Variants in CSMD1 observed in about 807,000 individuals in gnomAD.
The protein encoded by CSMD1 is CUB and Sushi multiple domains 1.
In CSMD1, 213 loss-of-function variants were observed where a neutral mutation model predicts 417.5. The ratio of observed to expected loss-of-function variants is 0.51; its 90% confidence interval spans 0.46 to 0.57. CSMD1 has a LOEUF of 0.57. Ranked by LOEUF, CSMD1 falls within the 20% of genes least tolerant of loss-of-function variation. The pLI is 0.00. For synonymous variants in CSMD1, 2,862 were observed against 1,736.8 expected (o/e 1.65, Z -16.11); for missense variants, 6,923 against 4,529.7 (o/e 1.53, Z -15.17).
At chr8:3,343,004 A>G (rs1807761578) in intron 23 of CSMD1, among the ~76,000 whole-genome samples, 2 of 152,136 alleles carry the variant, frequency 1.3e-5, no homozygotes, top group Admixed American at 6.6e-5. Flanking sequence ...AATGTATACT[A>G]TACCCCAATC....
intron 26 of CSMD1, among the ~76,000 whole-genome samples, chr8:3,256,333 A>G (rs1287135121): frequency 1.6e-5 from 2 of 123,402 alleles, no homozygotes; most frequent in African/African-American, 5.4e-5. Context: ...AAAGAGAAGA[A>G]AGGAAGGAAA....
chr8:3,054,675 G>A (rs1812095493), intron 49 of CSMD1, among the ~76,000 whole-genome samples: 1 of 152,138 alleles, frequency 6.6e-6, no homozygotes, highest in African/African-American at 2.4e-5. Context: ...TTACATGTGT[G>A]TACATGTGTC....
intron 5 of CSMD1, among the ~76,000 whole-genome samples, chr8:3,869,728 C>A (rs1805352723): frequency 6.6e-6 from 1 of 152,044 alleles, no homozygotes; most frequent in African/African-American, 2.4e-5. Flanking sequence ...CCTGGCAGGA[C>A]CCACCCCAGC....
intron 2 of CSMD1, among the ~76,000 whole-genome samples, chr8:4,451,571 G>C (rs1264030701): frequency 6.6e-6 from 1 of 152,090 alleles, no homozygotes; most frequent in Admixed American, 6.5e-5. Context: ...ATAGAGTGAA[G>C]ACAAAGAAAG....
chr8:3,552,587 T>C (rs1030539945), intron 10 of CSMD1, among the ~76,000 whole-genome samples: 47 of 152,282 alleles, frequency 3.1e-4, no homozygotes, highest in Non-Finnish European at 5.0e-4. Flanking sequence ...TATGCAAATA[T>C]AAGGTATTTT....
intron 2 of CSMD1, among the ~76,000 whole-genome samples, chr8:4,486,252 T>C (rs1296981802): frequency 4.1e-5 from 1 of 24,640 alleles, no homozygotes; most frequent in African/African-American, 1.8e-4. Flanking sequence ...TATACATACA[T>C]ATATATATAT....
rs1157257373 is a variant in CSMD1, at chr8:2,962,512, G to T, written c.9582C>A (p.Val3194=). 2 of 1,613,816 alleles carry T rather than the reference G, an allele frequency of 1.2e-6. No individual in the cohort carries two copies. The highest frequency in any genetic ancestry group is 3.3e-5 in the Admixed American group (2 of 59,992). ...CGCTCCACGTGCCGTCAGCTTGGCA[G>T]ACTCTTCTGGAGGATCCCACGAGTA... ...PFILVGSSRR[V]CQADGTWSGI... Residue 3194 remains valine (V), a synonymous_variant, in exon 61 of 70, where the codon GTC becomes GTA. Coordinates refer to ENST00000635120, the MANE Select transcript of CSMD1 (RefSeq NM_033225.6).
chr8:3,499,351 G>T (rs1796497786), intron 10 of CSMD1, among the ~76,000 whole-genome samples: 1 of 152,138 alleles, frequency 6.6e-6, no homozygotes, highest in East Asian at 1.9e-4. Flanking sequence ...GAGACTTTGG[G>T]GTGGCCTTGT....
chr8:4,040,732 C>G (rs996385386), intron 3 of CSMD1, among the ~76,000 whole-genome samples: 30 of 151,996 alleles, frequency 2.0e-4, no homozygotes, highest in African/African-American at 6.3e-4. Context: ...GAGACTGCAG[C>G]AAAGTCAAAA....
At chr8:3,633,978 T>C (rs1211896384) in intron 7 of CSMD1, among the ~76,000 whole-genome samples, 1 of 151,804 alleles carries the variant, frequency 6.6e-6, no homozygotes, top group Non-Finnish European at 1.5e-5. Flanking sequence ...TGAAGATGAA[T>C]ATGCATGACC....
chr8:3,223,910 A>G (rs749043368), intron 27 of CSMD1, 43 bp from the exon 28 acceptor site: 2 of 1,603,462 alleles, frequency 1.2e-6, no homozygotes, highest in South Asian at 1.1e-5. Flanking sequence ...AAGGACAGCG[A>G]AGAACGCCTG....
At chr8:4,904,814 A>C (rs949516350) in intron 1 of CSMD1, among the ~76,000 whole-genome samples, 1 of 152,206 alleles carries the variant, frequency 6.6e-6, no homozygotes. Flanking sequence ...CATGAAACAG[A>C]AAGTCTGGCA....
chr8:3,838,721 T>C (rs1349584031), intron 5 of CSMD1, among the ~76,000 whole-genome samples: 1 of 86,930 alleles, frequency 1.2e-5, no homozygotes, highest in Non-Finnish European at 1.9e-5. Flanking sequence ...TAATATATAA[T>C]AAATTAATAT....
intron 5 of CSMD1, among the ~76,000 whole-genome samples, chr8:3,981,724 C>T (rs1198411916): frequency 6.6e-6 from 1 of 152,056 alleles, no homozygotes; most frequent in Admixed American, 6.6e-5. Flanking sequence ...TTTCTTCAGT[C>T]CTACATTTAA....
At chr8:3,437,908 T>C (rs1814678842) in intron 12 of CSMD1, among the ~76,000 whole-genome samples, 1 of 152,090 alleles carries the variant, frequency 6.6e-6, no homozygotes, top group Non-Finnish European at 1.5e-5. Context: ...TCACCAGGCC[T>C]GGCTAATTCT....
intron 65 of CSMD1, among the ~76,000 whole-genome samples, chr8:2,951,530 A>G (rs942608643): frequency 6.6e-6 from 1 of 152,212 alleles, no homozygotes; most frequent in South Asian, 2.1e-4. Context: ...AAGCCAAAGC[A>G]TACCTACTTT....
intron 1 of CSMD1, among the ~76,000 whole-genome samples, chr8:4,740,681 A>C (rs1452584124): frequency 1.3e-5 from 2 of 152,314 alleles, no homozygotes; most frequent in South Asian, 2.1e-4. Context: ...ATGAGAATCT[A>C]CTCAAGGAGG....
chr8:4,003,636 C>A (rs1815877408), intron 4 of CSMD1, among the ~76,000 whole-genome samples: 1 of 152,058 alleles, frequency 6.6e-6, no homozygotes, highest in African/African-American at 2.4e-5. Context: ...AAGATAAATT[C>A]TGAAAATACA....
At chr8:4,375,038 A>C (rs1802643310) in intron 3 of CSMD1, among the ~76,000 whole-genome samples, 1 of 150,110 alleles carries the variant, frequency 6.7e-6, no homozygotes, top group Non-Finnish European at 1.5e-5. Context: ...GCAATTTGTG[A>C]AGATTAAGAG....
Sources: gnomAD v4.1 joint callset for allele counts (sites outside exome capture counted in the v4.1 genomes callset) on GRCh38, gnomAD v4.1.1 for gene constraint, MANE v1.5 for transcripts, NCBI Gene and HGNC (gene_info 2026-07-23, HGNC 2026-07-21) for gene names.